The following PAX5 variants were observed in gnomAD, a reference collection of about 807,000 sequenced individuals.
PAX5 encodes paired box protein Pax-5.
Under a neutral mutation model 43.7 loss-of-function variants are expected in PAX5, and 9 were observed. The ratio of observed to expected loss-of-function variants is 0.21; its 90% CI spans 0.12 to 0.36. The LOEUF (loss-of-function observed/expected upper bound fraction) is 0.36. Ranked by LOEUF, PAX5 falls within the 10% of genes least tolerant of loss-of-function variation. The pLI, the probability that PAX5 is intolerant of heterozygous loss-of-function variation, is 1.00. For missense variants in PAX5, 383 were observed against 532.7 expected, an observed-to-expected ratio of 0.72 and a Z score of 2.77; for synonymous variants, 228 against 214.3, an observed-to-expected ratio of 1.06 and a Z score of -0.56.
chr9:36,914,409 A>G (rs10973127), intron 7 of PAX5, among the ~76,000 whole-genome samples: 38,214 of 152,098 alleles, frequency 0.25, 5,482 homozygotes, highest in East Asian at 0.51. Flanking sequence ...GTTAGTCCCT[A>G]GTCCATACCT....
At chr9:36,945,704 G>A (rs534649299) in intron 6 of PAX5, among the ~76,000 whole-genome samples, 5 of 152,274 alleles carry the variant, frequency 3.3e-5, no homozygotes, top group South Asian at 2.1e-4. Context: ...TGGATCAGCC[G>A]GTCCAATTGT....
chr9:37,007,105 G>A (rs909763414), intron 3 of PAX5, among the ~76,000 whole-genome samples: 1 of 152,210 alleles, frequency 6.6e-6, no homozygotes, highest in Non-Finnish European at 1.5e-5. Context: ...GAGAGTCAAA[G>A]TGCAGCCAGG....
At chr9:36,863,993 C>T (rs1824526708) in intron 8 of PAX5, among the ~76,000 whole-genome samples, 1 of 152,188 alleles carries the variant, frequency 6.6e-6, no homozygotes, top group African/African-American at 2.4e-5. Flanking sequence ...CCTGTAGTCC[C>T]AGCTACTCGG....
rs776992344 is a variant in PAX5 at position 37,002,766 on chromosome 9, G to A, written c.486C>T (p.Gly162=). 5 of 1,609,356 alleles carry A rather than the reference G, an allele frequency of 3.1e-6. No homozygotes were observed. The Admixed American group carries it at 8.4e-5, about 27-fold the overall frequency. ...TCACCGAGGACACCTGCGTCACGGA[G>A]CCAGTGGACACTGCGCGGAGAAAGA... ...PASSHSIVST[G]SVTQVSSVST... is the part of the protein sequence containing the mutation. The change falls in exon 5 of 10, where the codon GGC becomes GGT. Residue 162 remains glycine, a synonymous_variant. Coordinates refer to ENST00000358127, the MANE Select transcript of PAX5 (RefSeq NM_016734.3).
At chr9:36,923,532 T>C in intron 6 of PAX5, 48 bp from the exon 7 acceptor site, 1 of 1,567,976 alleles carries the variant, frequency 6.4e-7, no homozygotes, top group Non-Finnish European at 8.6e-7. Context: ...CCACAGTACC[T>C]TAGTCAAATG....
chr9:36,986,621 C>T (rs1007993349), intron 5 of PAX5, among the ~76,000 whole-genome samples: 2 of 152,076 alleles, frequency 1.3e-5, no homozygotes, highest in African/African-American at 4.8e-5. Context: ...CTGCCCTCCG[C>T]CCCCGGCCCT....
intron 1 of PAX5, 106 bp from the exon 2 acceptor site, chr9:37,020,907 G>C: frequency 8.1e-7 from 1 of 1,228,246 alleles, no homozygotes; most frequent in Non-Finnish European, 1.2e-6. Context: ...ACAAATGGCC[G>C]GCAGGCTGGA....
chr9:37,012,292 G>A (rs376390111), intron 3 of PAX5, among the ~76,000 whole-genome samples: 3 of 152,194 alleles, frequency 2.0e-5, no homozygotes, highest in African/African-American at 7.2e-5. Flanking sequence ...GTGGTGGAAA[G>A]AAACTAGCCC....
intron 7 of PAX5, among the ~76,000 whole-genome samples, chr9:36,906,637 T>C (rs548792058): frequency 6.6e-6 from 1 of 152,170 alleles, no homozygotes; most frequent in African/African-American, 2.4e-5. Context: ...AGGAGGTCAA[T>C]GGAACATCCA....
intron 2 of PAX5, among the ~76,000 whole-genome samples, chr9:37,019,840 G>A (rs1280743118): frequency 6.6e-6 from 1 of 152,178 alleles, no homozygotes; most frequent in Non-Finnish European, 1.5e-5. Flanking sequence ...GATGGTCTAG[G>A]GGTCCTTTAG....
intron 1 of PAX5, among the ~76,000 whole-genome samples, chr9:37,025,323 C>T (rs1840232050): frequency 1.3e-5 from 2 of 152,286 alleles, no homozygotes; most frequent in East Asian, 1.9e-4. Context: ...CACGGACATG[C>T]TCGCCCCGGG....
At chr9:36,891,276 A>G (rs1233157180) in intron 7 of PAX5, among the ~76,000 whole-genome samples, 1 of 152,266 alleles carries the variant, frequency 6.6e-6, no homozygotes, top group Non-Finnish European at 1.5e-5. Flanking sequence ...CAATGACATG[A>G]GCTGAAGATT....
chr9:36,931,850 CAA>C (rs35505557), intron 6 of PAX5, among the ~76,000 whole-genome samples: 43,162 of 121,652 alleles, frequency 0.35, 7,169 homozygotes, highest in Non-Finnish European at 0.44. Flanking sequence ...GACTCTGTCT[CAA>C]AAAAAAAAAA....
intron 6 of PAX5, among the ~76,000 whole-genome samples, chr9:36,947,572 C>T (rs1478025826): frequency 6.6e-6 from 1 of 151,902 alleles, no homozygotes; most frequent in East Asian, 1.9e-4. Flanking sequence ...GAGATGGGGT[C>T]TTGCTCTGTT....
intron 7 of PAX5, among the ~76,000 whole-genome samples, chr9:36,909,381 T>G (rs1448292141): frequency 6.6e-6 from 1 of 152,212 alleles, no homozygotes; most frequent in Non-Finnish European, 1.5e-5. Context: ...TTGAGAACTT[T>G]GCACTCGCTA....
chr9:37,023,743 T>C (rs979709589), intron 1 of PAX5, among the ~76,000 whole-genome samples: 1 of 152,038 alleles, frequency 6.6e-6, no homozygotes, highest in East Asian at 1.9e-4. Context: ...CAGCCACAGA[T>C]TGAGCTCCAG....
rs58220286 is a variant in PAX5 at position 36,920,803 on chromosome 9, C to CTT, written c.910+2550_910+2551dup. 2.7e-3 allele frequency among the ~76,000 whole-genome samples: 248 copies of CTT among 91,242 alleles called. 18 individuals are homozygous for CTT. The highest frequency in any genetic ancestry group is 3.9e-3 in the Non-Finnish European group (181 of 45,866). 59.9% of individuals were successfully genotyped at this position (91,242 alleles called of 152,430 possible). A position where few individuals can be genotyped will look rare whatever the true frequency, so the allele number is the denominator to read the frequency against. ...CTCAACCTGTATAGTATAGACATAG[C>CTT]TTTTTTTTTTTTTTTTTTTTTTTTT... On this transcript the variant is annotated intron_variant, in intron 7 of 9. Transcript: ENST00000358127.
chr9:36,932,366 T>C (rs1588010782), intron 6 of PAX5, among the ~76,000 whole-genome samples: 1 of 152,228 alleles, frequency 6.6e-6, no homozygotes, highest in East Asian at 1.9e-4. Flanking sequence ...GTGCAGTTAA[T>C]AAAATGTGGT....
In PAX5 at chr9:36,834,848, G is replaced by A. The variant is rs184846987; in HGVS notation, c.*5712C>T. On this transcript the variant is annotated 3_prime_UTR_variant, in exon 10 of 10. Coordinates refer to ENST00000358127, the MANE Select transcript of PAX5 (RefSeq NM_016734.3). ...GGCCATAGCCACAGGGTCACAGGGT[G>A]GGGGGCGGGGGTCAGGGCAGGTGAG... 1.3e-5 allele frequency: 2 copies of A among 150,012 alleles called. No homozygotes were observed. Among genetic ancestry groups the A allele is most frequent in the South Asian group, 2.6e-4 (1 of 3,784 alleles). 9.3% of individuals were successfully genotyped at this position (150,012 alleles called of 1,614,324 possible).
Sources: allele counts gnomAD v4.1 joint callset (sites outside exome capture counted in the v4.1 genomes callset), GRCh38; gene constraint gnomAD v4.1.1; transcripts MANE v1.5; gene names NCBI Gene and HGNC (gene_info 2026-07-23, HGNC 2026-07-21).